TVP23C: variants seen among roughly 807,000 people sequenced by gnomAD.
TVP23C encodes the protein trans-golgi network vesicle protein 23 homolog C.
Under a neutral mutation model 28.7 loss-of-function variants are expected in TVP23C, and 19 were observed. The ratio of observed to expected loss-of-function variants is 0.66; its 90% CI spans 0.46 to 0.97. The LOEUF (loss-of-function observed/expected upper bound fraction) is 0.97. Ranked by LOEUF, TVP23C falls within the 50% of genes least tolerant of loss-of-function variation. The pLI, the probability that TVP23C is intolerant of heterozygous loss-of-function variation, is 0.00. For missense variants in TVP23C, 186 were observed against 241.3 expected (o/e 0.77, Z 1.52); for synonymous variants, 68 against 81.7 (o/e 0.83, Z 0.90).
chr17:15,533,036 G>A (rs1239703636), downstream of TVP23C, among the ~76,000 whole-genome samples: 1 of 152,210 alleles, frequency 6.6e-6, no homozygotes, highest in African/African-American at 2.4e-5. Context: ...GAGGGCCTAA[G>A]GGACAGACTG....
intron 1 of TVP23C, chr17:15,562,177 T>G (rs1984427695): frequency 6.6e-6 from 1 of 152,232 alleles, no homozygotes; most frequent in South Asian, 2.1e-4. Flanking sequence ...GCTTTCACTT[T>G]GCACTGTGGA....
chr17:15,503,055 A>G, exon 6 of TVP23C: 1 of 1,606,382 alleles, frequency 6.2e-7, no homozygotes, highest in Non-Finnish European at 8.5e-7. Context: ...GGTTTCCAGT[A>G]AAGAGCTCGA....
At chr17:15,502,772 CA>C (rs1176800033) in exon 6 of TVP23C, 7 of 1,433,396 alleles carry the variant, frequency 4.9e-6, no homozygotes, top group Non-Finnish European at 5.5e-6. Flanking sequence ...CCTTCTCCGT[CA>C]CTCTCTTCCC....
At chr17:15,513,165 CA>C (rs2150830329) in intron 5 of TVP23C, among the ~76,000 whole-genome samples, 1 of 152,300 alleles carries the variant, frequency 6.6e-6, no homozygotes, top group African/African-American at 2.4e-5. Context: ...AGGCCAGGAA[CA>C]GTCCTTAGGA....
chr17:15,506,916 G>A (rs998834260), intron 5 of TVP23C: 3 of 1,049,794 alleles, frequency 2.9e-6, no homozygotes, highest in African/African-American at 3.1e-5. Flanking sequence ...GGGAGCCCTT[G>A]GGCCGCATCT....
Position 15,537,579 on chromosome 17 carries a change from GT to G in TVP23C, c.*2832del. On this transcript the variant is annotated 3_prime_UTR_variant, in exon 6 of 6. Coordinates refer to ENST00000518321, the MANE Select transcript of TVP23C (RefSeq NM_001135036.2). ...GTAGTTAATACCACTGGCCCTAATT[GT>G]TTTCACTTGCTTGCATACGTCTAAG... The G allele has an allele frequency of 1.0e-6, 1 of 984,814 alleles. No homozygotes were observed. Among genetic ancestry groups the G allele is most frequent in the Non-Finnish European group, 1.2e-6 (1 of 829,362 alleles). 61.0% of individuals were successfully genotyped at this position (984,814 alleles called of 1,614,324 possible). A position where few individuals can be genotyped will look rare whatever the true frequency, so the allele number is the denominator to read the frequency against.
chr17:15,561,626 G>GAATAAATAAATA (rs1223180108), intron 1 of TVP23C, among the ~76,000 whole-genome samples: 17 of 127,218 alleles, frequency 1.3e-4, no homozygotes, highest in African/African-American at 2.6e-4. Context: ...ATGAATGAAT[G>GAATAAATAAATA]AATGAATAAA....
At chr17:15,515,193 G>A (rs993102903) in intron 5 of TVP23C, among the ~76,000 whole-genome samples, 7 of 152,074 alleles carry the variant, frequency 4.6e-5, no homozygotes, top group Admixed American at 1.3e-4. Context: ...AAGGAAAAAC[G>A]TGCAAAGGTA....
intron 5 of TVP23C, among the ~76,000 whole-genome samples, chr17:15,544,452 G>A (rs951233705): frequency 5.9e-5 from 9 of 151,892 alleles, no homozygotes; most frequent in African/African-American, 2.2e-4. Flanking sequence ...AGAGAGAAAG[G>A]AGGAAACTCA....
chr17:15,513,412 G>A (rs1040187146), intron 5 of TVP23C, among the ~76,000 whole-genome samples: 8 of 152,074 alleles, frequency 5.3e-5, no homozygotes, highest in South Asian at 2.1e-4. Flanking sequence ...ACAGTTATCC[G>A]TTTTCTTTAT....
rs1006745351 is a variant in TVP23C, at chr17:15,542,707, C to T, written c.463-2146G>A. Among the ~76,000 whole-genome samples, 76 of 152,232 alleles carry T rather than the reference C, an allele frequency of 5.0e-4. 1 individual carries two copies. The highest frequency in any genetic ancestry group is 1.7e-3 in the African/African-American group (69 of 41,538). On this transcript the variant is annotated intron_variant, in intron 5 of 5. Coordinates refer to ENST00000518321, the MANE Select transcript of TVP23C (RefSeq NM_001135036.2). ...AGCCAGGATGGTCTCGATCTCCTGACCTCGTGATCCGCCCGCCTTGGCCCT... is the reference window on the plus strand; with the variant it reads ...AGCCAGGATGGTCTCGATCTCCTGATCTCGTGATCCGCCCGCCTTGGCCCT...
intron 5 of TVP23C, among the ~76,000 whole-genome samples, chr17:15,506,031 C>G (rs1041875194): frequency 6.6e-5 from 10 of 152,258 alleles, no homozygotes; most frequent in Non-Finnish European, 2.9e-5. Context: ...CCCTGCTCCA[C>G]AGCGCCCAGT....
downstream of TVP23C, among the ~76,000 whole-genome samples, chr17:15,536,290 C>G (rs953838658): frequency 3.3e-5 from 5 of 152,144 alleles, no homozygotes; most frequent in African/African-American, 1.2e-4. Context: ...CAAAACGAAG[C>G]CTTTATCACA....
chr17:15,529,734 T>C (rs1982875356), intron 5 of TVP23C, among the ~76,000 whole-genome samples: 1 of 152,222 alleles, frequency 6.6e-6, no homozygotes, highest in African/African-American at 2.4e-5. Flanking sequence ...ACCTGTGTCT[T>C]TGAATCTAAA....
intron 1 of TVP23C, among the ~76,000 whole-genome samples, chr17:15,556,847 A>T (rs551921887): frequency 6.6e-6 from 1 of 152,010 alleles, no homozygotes; most frequent in South Asian, 2.1e-4. Flanking sequence ...ATGTCACTCT[A>T]CTGCTCAAAT....
At chr17:15,541,984 G>A (rs1288758405) in intron 5 of TVP23C, among the ~76,000 whole-genome samples, 2 of 152,170 alleles carry the variant, frequency 1.3e-5, no homozygotes, top group South Asian at 2.1e-4. Flanking sequence ...AGATGGTGCA[G>A]TGAAGTCAGA....
intron 5 of TVP23C, among the ~76,000 whole-genome samples, chr17:15,544,425 T>C (rs1487469371): frequency 6.6e-6 from 1 of 151,888 alleles, no homozygotes; most frequent in African/African-American, 2.4e-5. Flanking sequence ...AACACAAAAA[T>C]AACATTGGAA....
chr17:15,515,123 T>C (rs185804420), intron 5 of TVP23C, among the ~76,000 whole-genome samples: 1 of 152,118 alleles, frequency 6.6e-6, no homozygotes, highest in Non-Finnish European at 1.5e-5. Flanking sequence ...GGCATGGCCC[T>C]GAGTCGATGA....
intron 5 of TVP23C, among the ~76,000 whole-genome samples, chr17:15,520,829 G>A (rs1982443845): frequency 6.6e-6 from 1 of 151,290 alleles, no homozygotes; most frequent in African/African-American, 2.4e-5. Context: ...GGAAATGAAG[G>A]AAAAAAAATC....
Sources: allele counts gnomAD v4.1 joint callset (sites outside exome capture counted in the v4.1 genomes callset), GRCh38; gene constraint gnomAD v4.1.1; transcripts MANE v1.5; gene names NCBI Gene and HGNC (gene_info 2026-07-23, HGNC 2026-07-21).